CDH22: variants seen among roughly 807,000 people sequenced by gnomAD.
CDH22 encodes the protein cadherin-22.
In CDH22, 30 loss-of-function variants were observed where a neutral mutation model predicts 58.4. That is an observed-to-expected ratio of 0.51 (90% CI 0.38 to 0.70). CDH22 has a LOEUF of 0.70. Among genes scored for constraint, CDH22 ranks in the 30% least tolerant of loss-of-function variants. CDH22 has a pLI of 0.00. For missense variants in CDH22, 1,014 were observed against 1,233.9 expected (o/e 0.82, Z 2.67); for synonymous variants, 513 against 558.2 (o/e 0.92, Z 1.14).
At chr20:46,307,399 C>T (rs532592897) in intron 1 of CDH22, among the ~76,000 whole-genome samples, 1 of 152,214 alleles carries the variant, frequency 6.6e-6, no homozygotes, top group Non-Finnish European at 1.5e-5. Flanking sequence ...CCCGCGCGCC[C>T]ACGCAGTCCA....
intron 7 of CDH22, 76 bp from the exon 8 acceptor site, chr20:46,199,635 A>T: frequency 1.3e-6 from 2 of 1,518,842 alleles, no homozygotes; most frequent in Non-Finnish European, 1.8e-6. Flanking sequence ...TCCCAACCCC[A>T]CTCCAAGAGA....
At chr20:46,199,078 C>A (rs1045970035) in intron 8 of CDH22, among the ~76,000 whole-genome samples, 1 of 152,156 alleles carries the variant, frequency 6.6e-6, no homozygotes, top group African/African-American at 2.4e-5. Flanking sequence ...ATCCCCAACC[C>A]CTAAAACAGG....
intron 10 of CDH22, among the ~76,000 whole-genome samples, chr20:46,185,161 ACAAAC>A (rs2085816489): frequency 1.3e-5 from 2 of 148,488 alleles, no homozygotes; most frequent in South Asian, 4.3e-4. Context: ...ACACACACAC[ACAAAC>A]AACAACAAAC....
chr20:46,282,070 A>G (rs2086553418), intron 1 of CDH22, among the ~76,000 whole-genome samples: 1 of 152,234 alleles, frequency 6.6e-6, no homozygotes, highest in Non-Finnish European at 1.5e-5. Context: ...CTTGAATACG[A>G]ATACCTTCCT....
chr20:46,218,800 T>G (rs2086103820), intron 4 of CDH22, among the ~76,000 whole-genome samples: 1 of 152,136 alleles, frequency 6.6e-6, no homozygotes, highest in African/African-American at 2.4e-5. Flanking sequence ...ACTGGGCTTC[T>G]TGTCTCCCTG....
intron 4 of CDH22, 105 bp from the exon 5 acceptor site, chr20:46,217,098 T>A: frequency 8.6e-7 from 1 of 1,168,922 alleles, no homozygotes; most frequent in Non-Finnish European, 1.2e-6. Flanking sequence ...CTGGGAAAAT[T>A]AAGCTCAGGA....
chr20:46,279,288 A>G (rs2425847), intron 1 of CDH22, among the ~76,000 whole-genome samples: 48,786 of 152,156 alleles, frequency 0.32, 8,609 homozygotes, highest in Middle Eastern at 0.51. Flanking sequence ...CTCAGGAGTC[A>G]GTGTGAGAGA....
chr20:46,174,481 C>A lies in CDH22; in HGVS notation c.*25G>T. ...GGCGTGTGCTGGGCGGGTGAGCAGC[C>A]GCGCCCCGACGGCAGGGCGAGGGGC... On this transcript the variant is annotated 3_prime_UTR_variant, in exon 12 of 12. Transcript: ENST00000537909. This position sits in a 1 kb window ranked among gnomAD's most constrained non-coding sequence, Gnocchi z 4.4. 2 of 1,431,586 alleles carry A rather than the reference C, an allele frequency of 1.4e-6. No individual in the cohort carries two copies. Among genetic ancestry groups the A allele is most frequent in the South Asian group, 2.8e-5 (2 of 70,896 alleles). 88.7% of individuals were successfully genotyped at this position (1,431,586 alleles called of 1,614,324 possible).
rs2086369395 is a variant in CDH22 at position 46,251,138 on chromosome 20, C to T, written c.157G>A (p.Gly53Ser). ...TTGACGCGGCCGGCTCCCAGCGCGCCGTCCTGCCGAGCTCCGGGCGCCGAC... is the reference window on the plus strand; with the variant it reads ...TTGACGCGGCCGGCTCCCAGCGCGCTGTCCTGCCGAGCTCCGGGCGCCGAC... ...SPSAPGARQD[G>S]ALGAGRVKRG... The change falls in exon 2 of 12, where the codon GGC (glycine) becomes AGC (serine). Residue 53 changes from glycine (G) to serine (S), a missense_variant. Gly to Ser is a moderately conservative substitution (Grantham distance 56). Transcript: ENST00000537909. The surrounding 1 kb of genome is among the most constrained non-coding windows in gnomAD (Gnocchi z 6.7). 1.9e-6 allele frequency: 3 copies of T among 1,601,262 alleles called. No homozygotes were observed. The highest frequency in any genetic ancestry group is 1.4e-5 in the African/African-American group (1 of 73,202).
intron 7 of CDH22, among the ~76,000 whole-genome samples, chr20:46,204,319 G>A (rs1321192873): frequency 6.6e-6 from 1 of 150,426 alleles, no homozygotes; most frequent in Admixed American, 6.6e-5. Context: ...GCATGAACCC[G>A]GGAGGCAGAG....
rs918808597 is a variant in CDH22 at position 46,241,173 on chromosome 20, C to T, written c.340G>A (p.Glu114Lys). The change falls in exon 3 of 12, where the codon GAG becomes AAG. Residue 114 changes from glutamate (E) to lysine (K), a missense_variant. Around this residue, in one of 2 missense-constraint regions of CDH22, gnomAD observed 806 missense variants for 1,038.7 expected, o/e 0.78. Transcript: ENST00000537909. The surrounding 1 kb of genome is among the most constrained non-coding windows in gnomAD (Gnocchi z 5.2). ...ATGGCATGAATGTCGCCTGTCAGCT[C>T]GTCGATCAGGAAGATGGTCCCAGCA... ...EGAGTIFLID[E>K]LTGDIHAMER... 1 of 1,614,110 alleles carries T rather than the reference C, an allele frequency of 6.2e-7. No homozygotes were observed. The highest frequency in any genetic ancestry group is 8.5e-7 in the Non-Finnish European group (1 of 1,180,002).
intron 1 of CDH22, among the ~76,000 whole-genome samples, chr20:46,259,766 T>C (rs1439110129): frequency 6.6e-6 from 1 of 152,068 alleles, no homozygotes; most frequent in Non-Finnish European, 1.5e-5. Context: ...AGAGGAAACC[T>C]AGGACATGAA....
chr20:46,281,325 T>C (rs954798367), intron 1 of CDH22, among the ~76,000 whole-genome samples: 7 of 152,142 alleles, frequency 4.6e-5, no homozygotes, highest in Non-Finnish European at 8.8e-5. Flanking sequence ...TCCTGTGAGA[T>C]GCCTGGGGGA....
At chr20:46,283,279 G>A (rs909432118) in intron 1 of CDH22, among the ~76,000 whole-genome samples, 2 of 152,200 alleles carry the variant, frequency 1.3e-5, no homozygotes, top group Non-Finnish European at 2.9e-5. Context: ...GGGAGGTCTG[G>A]AGTCTGAGTA....
In CDH22 at chr20:46,199,696, CGAG is replaced by C. The variant is rs1250128088; in HGVS notation, c.1287-140_1287-138del. Reference sequence around the variant, plus strand: ...AAGGGGCAGAGAAACCCCTTGCGACCGAGGAGGAGCGGGAAGCAACTGGGTGTG... The same window carrying C: ...AAGGGGCAGAGAAACCCCTTGCGACCGAGGAGCGGGAAGCAACTGGGTGTG... On this transcript the variant is annotated intron_variant, in intron 7 of 11. Transcript: ENST00000537909. 2.8e-6 allele frequency: 3 copies of C among 1,081,130 alleles called. No individual in the cohort carries two copies. The African/African-American group carries it at 4.8e-5, about 17-fold the overall frequency. 67.0% of individuals were successfully genotyped at this position (1,081,130 alleles called of 1,614,324 possible). A position where few individuals can be genotyped will look rare whatever the true frequency, so the allele number is the denominator to read the frequency against.
At chr20:46,222,173 C>T (rs1209144181) in intron 4 of CDH22, among the ~76,000 whole-genome samples, 1 of 152,194 alleles carries the variant, frequency 6.6e-6, no homozygotes, top group African/African-American at 2.4e-5. Flanking sequence ...TTGGAGATGC[C>T]TTGCTGATCT....
rs150913298 is a variant in CDH22, at chr20:46,225,665, A to G, written c.670+1843T>C. Among the ~76,000 whole-genome samples the G allele has an allele frequency of 9.3e-4, 142 of 152,248 alleles. 1 individual carries two copies. The highest frequency in any genetic ancestry group is 3.4e-3 in the African/African-American group (141 of 41,538). ...GACTTTTTGAATTTTGAACCTTGAGATGTATTATCTATTAAATGTGAGTTA... is the reference window on the plus strand; with the variant it reads ...GACTTTTTGAATTTTGAACCTTGAGGTGTATTATCTATTAAATGTGAGTTA... On this transcript the variant is annotated intron_variant, in intron 4 of 11. Coordinates refer to ENST00000537909, the MANE Select transcript of CDH22 (RefSeq NM_021248.3).
chr20:46,235,527 C>T (rs753334119), intron 3 of CDH22, among the ~76,000 whole-genome samples: 21 of 152,222 alleles, frequency 1.4e-4, no homozygotes, highest in Non-Finnish European at 2.2e-4. Context: ...GTAGACACCT[C>T]AATCTTAACT....
chr20:46,239,809 G>A (rs2086277713), intron 3 of CDH22, among the ~76,000 whole-genome samples: 1 of 152,226 alleles, frequency 6.6e-6, no homozygotes, highest in Middle Eastern at 3.2e-3. Context: ...AGAGCCCCAG[G>A]AGCCCTGAGC....
Sources: gnomAD v4.1 joint callset for allele counts (sites outside exome capture counted in the v4.1 genomes callset) on GRCh38, gnomAD v4.1.1 for gene constraint, gnomAD v4.1.1 regional missense constraint, Gnocchi (gnomAD v3.1) non-coding constraint, MANE v1.5 for transcripts, NCBI Gene and HGNC (gene_info 2026-07-23, HGNC 2026-07-21) for gene names.